OTOF: variants seen among roughly 807,000 people sequenced by gnomAD.
OTOF encodes fer-1-like family member 2.
OTOF carries 218 observed loss-of-function variants against 236.8 expected under a neutral mutation model. The ratio of observed to expected loss-of-function variants is 0.92; its 90% confidence interval spans 0.82 to 1.03. OTOF has a LOEUF of 1.03. Ranked by LOEUF, OTOF falls within the 50% of genes least tolerant of loss-of-function variation. OTOF has a pLI of 0.00. For synonymous variants in OTOF, 1,041 were observed against 1,072.5 expected, an observed-to-expected ratio of 0.97 and a Z score of 0.57; for missense variants, 2,590 against 2,694.4, an observed-to-expected ratio of 0.96 and a Z score of 0.86.
Position 26,479,384 on chromosome 2 carries a change from C to A in OTOF, c.2094G>T (p.Arg698Ser). 6.2e-7 allele frequency: 1 copy of A among 1,612,562 alleles called. No individual in the cohort carries two copies. Among genetic ancestry groups the A allele is most frequent in the African/African-American group, 1.3e-5 (1 of 75,024 alleles). The change falls in exon 18 of 47, where the codon AGG (arginine) becomes AGT (serine). Residue 698 changes from arginine to serine, a missense_variant and splice_region_variant. Arg to Ser is a moderately radical substitution (Grantham distance 110, BLOSUM62 -1). This residue lies in a region of OTOF where 1,379 missense variants were observed against 1,341.6 expected (regional missense o/e 1.03). Coordinates refer to ENST00000272371, the MANE Select transcript of OTOF (RefSeq NM_194248.3). ...CCAGGTAGGGCAGATGGAAGTAGTT[C>A]CTGGGGTGGGCAGAGGCGGGAGGTG... ...TPPMRPQVTD[R>S]NYFHLPYLER...
Position 26,471,263 on chromosome 2 carries a change from G to C in OTOF, c.3865-113C>G, listed in dbSNP as rs546615417. The C allele has an allele frequency of 4.9e-5, 62 of 1,272,388 alleles. No homozygotes were observed. The African/African-American group carries it at 8.5e-4, about 17-fold the overall frequency. 78.8% of individuals were successfully genotyped at this position (1,272,388 alleles called of 1,614,324 possible). ...GCCGAGATGGAAATTACTGTGTGCT[G>C]GCAGCCCCTGTGCCCGCAAGGCCAA... On this transcript the variant is annotated intron_variant, in intron 30 of 46. Transcript: ENST00000272371.
chr2:26,479,185 G>T, intron 18 of OTOF, 79 bp downstream of exon 18: 2 of 1,534,570 alleles, frequency 1.3e-6, no homozygotes, highest in Non-Finnish European at 1.8e-6. Flanking sequence ...GACCAGCTTT[G>T]TGTGTTCCAG....
rs1230525350 is a variant in OTOF at position 26,508,833 on chromosome 2, C to T, written c.510-4988G>A. On this transcript the variant is annotated intron_variant, in intron 5 of 46. Transcript: ENST00000272371. The stretch of plus-strand genomic sequence containing the variant: ...TCTGTCTCCACAGTTTTCTCTCCTC[C>T]AGGCTAAAGAGTTTAAATTTGTTCA... Among the ~76,000 whole-genome samples the T allele has an allele frequency of 5.9e-5, 9 of 152,230 alleles. No homozygotes were observed. In the South Asian group the frequency reaches 1.4e-3, roughly 25 times the overall value.
In OTOF at chr2:26,477,833, G is replaced by T; in HGVS notation, c.2215-84C>A. 1 of 1,574,690 alleles carries T rather than the reference G, an allele frequency of 6.4e-7. No homozygotes were observed. Among genetic ancestry groups the T allele is most frequent in the Non-Finnish European group, 8.6e-7 (1 of 1,160,454 alleles). On this transcript the variant is annotated intron_variant, in intron 18 of 46. Transcript: ENST00000272371. The surrounding 1 kb of genome is among the most constrained non-coding windows in gnomAD (Gnocchi z 4.7). Reference sequence around the variant, plus strand: ...AATGCCTCCTCCCTGTTGATCAGGGGAGTGAGGGACCTCATGATCTGGGAG... The same window carrying T: ...AATGCCTCCTCCCTGTTGATCAGGGTAGTGAGGGACCTCATGATCTGGGAG...
In OTOF at chr2:26,503,853, G is replaced by T. The variant is rs1666182044; in HGVS notation, c.510-8C>A. The stretch of plus-strand genomic sequence containing the variant: ...AACACGCTCCTCCCGGCTCTGTGAG[G>T]GGGGCCACCAGAATGAGGTGCAGGG... On this transcript the variant is annotated splice_region_variant and splice_polypyrimidine_tract_variant and intron_variant, in intron 5 of 46. Transcript: ENST00000272371. 1.2e-6 allele frequency: 2 copies of T among 1,613,738 alleles called. No homozygotes were observed. Among genetic ancestry groups the T allele is most frequent in the Non-Finnish European group, 8.5e-7 (1 of 1,179,588 alleles).
chr2:26,498,571 A>G (rs1666044412), intron 8 of OTOF, among the ~76,000 whole-genome samples: 1 of 152,216 alleles, frequency 6.6e-6, no homozygotes. Flanking sequence ...TGGAAGATGA[A>G]GAGGCAAACG....
intron 8 of OTOF, among the ~76,000 whole-genome samples, chr2:26,498,117 G>C (rs73920294): frequency 6.6e-6 from 1 of 152,182 alleles, no homozygotes; most frequent in Non-Finnish European, 1.5e-5. Flanking sequence ...TTTCCATCTC[G>C]AGGCATGGCC....
chr2:26,467,263 C>T, intron 34 of OTOF, 30 bp from the exon 35 acceptor site: 1 of 1,614,068 alleles, frequency 6.2e-7, no homozygotes, highest in Non-Finnish European at 8.5e-7. Flanking sequence ...TAGGGGGCGG[C>T]TGCCTGGTCT....
chr2:26,540,745 G>A (rs961446995), intron 1 of OTOF, among the ~76,000 whole-genome samples: 1 of 151,998 alleles, frequency 6.6e-6, no homozygotes, highest in Admixed American at 6.6e-5. Context: ...TTTGGGGCGG[G>A]GGCAGGTGGG....
At chr2:26,519,149 G>C in intron 3 of OTOF, 40 bp from the exon 4 acceptor site, 2 of 1,346,242 alleles carry the variant, frequency 1.5e-6, no homozygotes, top group Non-Finnish European at 2.1e-6. Flanking sequence ...ACATGGAAGA[G>C]ACCAGGGTGA....
At chr2:26,538,190 G>A (rs546802149) in intron 1 of OTOF, among the ~76,000 whole-genome samples, 46 of 152,280 alleles carry the variant, frequency 3.0e-4, no homozygotes, top group South Asian at 6.2e-4. Flanking sequence ...TATAGGGGGC[G>A]TAGCCCCTGC....
chr2:26,463,424 T>G, intron 41 of OTOF, 59 bp downstream of exon 41: 1 of 1,359,816 alleles, frequency 7.4e-7, no homozygotes, highest in Non-Finnish European at 1.0e-6. Context: ...GGTTGGGCCG[T>G]GGTGGGAAGT....
chr2:26,475,568 C>G, intron 24 of OTOF, 75 bp from the exon 25 acceptor site: 10 of 1,517,302 alleles, frequency 6.6e-6, no homozygotes, highest in Non-Finnish European at 8.2e-6. Flanking sequence ...GCCACCCCTA[C>G]TCACTCAGCT....
rs1445010124 is a variant in OTOF at position 26,480,947 on chromosome 2, G to GCGTGTAGTTA, written c.1632_1641dup (p.Leu548Ter). On this transcript the variant is annotated stop_gained and frameshift_variant, in exon 15 of 47. Coordinates refer to ENST00000272371, the MANE Select transcript of OTOF (RefSeq NM_194248.3). LOFTEE classifies it high-confidence loss of function. ...TTCAGGTCCTGATGCTCATCCAGCA[G>GCGTGTAGTTA]CGTGTAGTTACGTGTGGAGCCGTAC... 8.1e-6 allele frequency: 13 copies of GCGTGTAGTTA among 1,613,070 alleles called. No homozygotes were observed. Among genetic ancestry groups the GCGTGTAGTTA allele is most frequent in the Non-Finnish European group, 1.1e-5 (13 of 1,180,020 alleles).
At position 26,457,763 on chromosome 2, in the gene OTOF, C is replaced by T. The variant is rs1000952769; in HGVS notation, c.*475G>A. The T allele has an allele frequency of 7.2e-5, 32 of 441,500 alleles. No individual in the cohort carries two copies. Among genetic ancestry groups the T allele is most frequent in the East Asian group, 1.9e-4 (5 of 26,214 alleles). The allele number at this position is 441,500 out of a possible 1,614,324, so 27.3% of individuals were successfully genotyped here. On this transcript the variant is annotated 3_prime_UTR_variant, in exon 47 of 47. Coordinates refer to ENST00000272371, the MANE Select transcript of OTOF (RefSeq NM_194248.3). The surrounding 1 kb of genome is among the most constrained non-coding windows in gnomAD (Gnocchi z 4.4). ...GGAGCCTGGGCCTGAAGAAGGGTGG[C>T]GCCTCAGCCAGGTGGGGCAAGAGAG...
chr2:26,479,462 G>C lies in OTOF; in HGVS notation c.2093+11C>G, dbSNP rs777166672. ...GGGCCAGGCCACAGGAGGATGGGAG[G>C]CTGGGCCCACCTGTCGGTGACCTGG... On this transcript the variant is annotated intron_variant, in intron 17 of 46. Coordinates refer to ENST00000272371, the MANE Select transcript of OTOF (RefSeq NM_194248.3). The C allele has an allele frequency of 5.0e-6, 8 of 1,603,036 alleles. No individual in the cohort carries two copies. The highest frequency in any genetic ancestry group is 6.8e-6 in the Non-Finnish European group (8 of 1,175,700).
At position 26,477,633 on chromosome 2, in the gene OTOF, G is replaced by A. The variant is rs73920286; in HGVS notation, c.2315+16C>T. 10,997 of 1,611,668 alleles carry A rather than the reference G, an allele frequency of 6.8e-3. 530 individuals are homozygous for A. In the African/African-American group the frequency reaches 0.12, roughly 17 times the overall value. On this transcript the variant is annotated intron_variant, in intron 19 of 46. Coordinates refer to ENST00000272371, the MANE Select transcript of OTOF (RefSeq NM_194248.3). This position sits in a 1 kb window ranked among gnomAD's most constrained non-coding sequence, Gnocchi z 4.7. ...CCGCCTCATCCTCCCCCCACCTGCC[G>A]CCCCTCCCTTCTCACCAGCAGCCAC...
rs1405956845 is a variant in OTOF, at chr2:26,460,768, C to A, written c.5713-21G>T. Reference sequence around the variant, plus strand: ...TTGCCCTGCAGAGGACAGACAGGTCCCAGCGTCCAGGCTGCGTGCTGGGCC... The same window carrying A: ...TTGCCCTGCAGAGGACAGACAGGTCACAGCGTCCAGGCTGCGTGCTGGGCC... On this transcript the variant is annotated intron_variant, in intron 44 of 46. Coordinates refer to ENST00000272371, the MANE Select transcript of OTOF (RefSeq NM_194248.3). This position sits in a 1 kb window ranked among gnomAD's most constrained non-coding sequence, Gnocchi z 5.3. 6.2e-7 allele frequency: 1 copy of A among 1,613,670 alleles called. No homozygotes were observed.
rs60182448 is a variant in OTOF, at chr2:26,457,541, C to G, written c.*697G>C. 6.5e-6 allele frequency: 1 copy of G among 153,832 alleles called. No individual in the cohort carries two copies. Among genetic ancestry groups the G allele is most frequent in the East Asian group, 1.9e-4 (1 of 5,200 alleles). The allele number at this position is 153,832 out of a possible 1,614,324, so 9.5% of individuals were successfully genotyped here. A position where few individuals can be genotyped will look rare whatever the true frequency, so the allele number is the denominator to read the frequency against. On this transcript the variant is annotated 3_prime_UTR_variant, in exon 47 of 47. Coordinates refer to ENST00000272371, the MANE Select transcript of OTOF (RefSeq NM_194248.3). The surrounding 1 kb of genome is among the most constrained non-coding windows in gnomAD (Gnocchi z 4.4). ...CCCAGCAGTGGCAGAAGCAGCCGCG[C>G]TGGGACTTGTGGGCAGGGTCTGGCC...
Sources: allele counts gnomAD v4.1 joint callset (sites outside exome capture counted in the v4.1 genomes callset), GRCh38; gene constraint gnomAD v4.1.1; regional missense constraint gnomAD v4.1.1; non-coding constraint Gnocchi (gnomAD v3.1); transcripts MANE v1.5; gene names NCBI Gene and HGNC (gene_info 2026-07-23, HGNC 2026-07-21).